KYAT3: variants seen among roughly 807,000 people sequenced by gnomAD.
The protein encoded by KYAT3 is kynurenine--oxoglutarate transaminase 3.
KYAT3 carries 50 observed loss-of-function variants against 59.0 expected under a neutral mutation model. The observed-to-expected ratio is 0.85, with a 90% CI of 0.68 to 1.07. The LOEUF is 1.07. KYAT3 is among the 50% of genes least tolerant of loss of function. The pLI is 0.00. For synonymous variants in KYAT3, 148 were observed against 177.0 expected, an observed-to-expected ratio of 0.84 and a Z score of 1.30; for missense variants, 497 against 533.3, an observed-to-expected ratio of 0.93 and a Z score of 0.67.
At chr1:88,953,566 A>C (rs1191790557) in intron 9 of KYAT3, among the ~76,000 whole-genome samples, 1 of 134,334 alleles carries the variant, frequency 7.4e-6, no homozygotes, top group Non-Finnish European at 1.6e-5. Flanking sequence ...AAAAAAAAAA[A>C]GTTCACACTA....
At chr1:88,982,824 A>G in intron 2 of KYAT3, 2 of 1,613,890 alleles carry the variant, frequency 1.2e-6, no homozygotes. Context: ...CAACTTGAGT[A>G]GAGATCACTT....
In KYAT3 at chr1:88,984,204, C is replaced by CTTTTTTTTTTTTTTTTTTT. The variant is rs908183722; in HGVS notation, c.99+4029_99+4047dup. 23 of 81,470 alleles carry CTTTTTTTTTTTTTTTTTTT rather than the reference C, an allele frequency of 2.8e-4. 1 individual carries two copies. The highest frequency in any genetic ancestry group is 4.5e-4 in the Non-Finnish European group (17 of 38,168). The allele number at this position is 81,470 out of a possible 1,614,324, so 5.0% of individuals were successfully genotyped here. A position where few individuals can be genotyped will look rare whatever the true frequency, so the allele number is the denominator to read the frequency against. On this transcript the variant is annotated intron_variant, in intron 2 of 13. Transcript: ENST00000260508. ...ATTAACAGGAGCCCTTTTTTTGTTG[C>CTTTTTTTTTTTTTTTTTTT]TTTTTTTTTTTTTTTTTTTTTTTTT...
At chr1:88,991,361 T>C (rs551166042) in intron 1 of KYAT3, among the ~76,000 whole-genome samples, 1 of 152,202 alleles carries the variant, frequency 6.6e-6, no homozygotes, top group Non-Finnish European at 1.5e-5. Flanking sequence ...CCAGAACATC[T>C]GGGTTAACTG....
the KYAT3 span, among the ~76,000 whole-genome samples, chr1:88,924,079 GC>G: frequency 6.6e-6 from 1 of 152,210 alleles, no homozygotes; most frequent in African/African-American, 2.4e-5. Context: ...AGGGTCTCTT[GC>G]CAGCTCACTG....
intron 4 of KYAT3, among the ~76,000 whole-genome samples, chr1:88,967,028 C>T (rs1676375326): frequency 6.6e-6 from 1 of 151,876 alleles, no homozygotes; most frequent in Non-Finnish European, 1.5e-5. Context: ...TATGGTAAAC[C>T]TTACTTGGTC....
chr1:88,945,148 A>G (rs1383496279), intron 11 of KYAT3, among the ~76,000 whole-genome samples: 4 of 148,382 alleles, frequency 2.7e-5, no homozygotes, highest in Non-Finnish European at 4.5e-5. Flanking sequence ...CCTGCCAGAA[A>G]AAAGTAACGT....
intron 2 of KYAT3, among the ~76,000 whole-genome samples, chr1:88,974,863 G>C (rs185381040): frequency 2.6e-5 from 4 of 152,154 alleles, no homozygotes; most frequent in African/African-American, 9.7e-5. Context: ...GGACCAATCA[G>C]CACTCTGTAA....
chr1:88,927,264 A>T, the KYAT3 span, among the ~76,000 whole-genome samples: 11 of 152,240 alleles, frequency 7.2e-5, no homozygotes, highest in African/African-American at 2.2e-4. Flanking sequence ...GAGAATTGGG[A>T]CCAATTTGAC....
intron 2 of KYAT3, among the ~76,000 whole-genome samples, chr1:88,974,526 T>C (rs1333704541): frequency 7.0e-6 from 1 of 142,726 alleles, no homozygotes; most frequent in Admixed American, 7.6e-5. Context: ...CAGGCCGTAG[T>C]GCAGTGGCAT....
Position 88,936,141 on chromosome 1 carries a change from T to C in KYAT3, c.*42A>G, listed in dbSNP as rs750104600. 3.8e-5 allele frequency: 52 copies of C among 1,383,076 alleles called. No individual in the cohort carries two copies. Among genetic ancestry groups the C allele is most frequent in the Non-Finnish European group, 2.0e-6 (2 of 979,852 alleles). The allele number at this position is 1,383,076 out of a possible 1,614,324, so 85.7% of individuals were successfully genotyped here. On this transcript the variant is annotated 3_prime_UTR_variant, in exon 14 of 14. Coordinates refer to ENST00000260508, the MANE Select transcript of KYAT3 (RefSeq NM_001008661.3). ...GTGGCAGCACTAAGTAACAATTCCA[T>C]ACTAGGTCATCTAACAGAAACATTA...
At chr1:88,976,481 T>C (rs1194561126) in intron 2 of KYAT3, among the ~76,000 whole-genome samples, 3 of 152,242 alleles carry the variant, frequency 2.0e-5, no homozygotes, top group African/African-American at 7.2e-5. Context: ...GCCAGTCATA[T>C]AAAAGTCTAG....
chr1:88,987,904 T>C (rs1372084431), intron 2 of KYAT3, among the ~76,000 whole-genome samples: 2 of 152,216 alleles, frequency 1.3e-5, no homozygotes, highest in Non-Finnish European at 2.9e-5. Flanking sequence ...GTATTGTATT[T>C]GGTGGTTATG....
At chr1:88,977,530 G>C (rs373798714) in intron 2 of KYAT3, among the ~76,000 whole-genome samples, 36 of 152,062 alleles carry the variant, frequency 2.4e-4, no homozygotes, top group East Asian at 7.7e-4. Context: ...GTAGAGACGA[G>C]GTTTCACCAT....
the KYAT3 span, among the ~76,000 whole-genome samples, chr1:88,929,392 G>T: frequency 9.3e-3 from 1,418 of 152,192 alleles, 16 homozygotes; most frequent in South Asian, 0.058. Context: ...TACAGTCCTG[G>T]ACCTAAAGGG....
chr1:88,988,671 T>C (rs1426292316), intron 1 of KYAT3, among the ~76,000 whole-genome samples: 2 of 152,342 alleles, frequency 1.3e-5, no homozygotes, highest in East Asian at 3.9e-4. Context: ...GAAAGTTCCA[T>C]TTCTAGCAGC....
rs374084854 is a variant in KYAT3, at chr1:88,969,164, T to C, written c.158+245A>G. On this transcript the variant is annotated intron_variant, in intron 3 of 13. Transcript: ENST00000260508. Reference sequence around the variant, plus strand: ...TTCCTGGATTGGAGGTTAAGTTCCATGAGGGCATTAACATTTGTCCTTTTC... The same window carrying C: ...TTCCTGGATTGGAGGTTAAGTTCCACGAGGGCATTAACATTTGTCCTTTTC... 3.3e-5 allele frequency among the ~76,000 whole-genome samples: 5 copies of C among 152,232 alleles called. 1 individual carries two copies. The East Asian group carries it at 5.8e-4, about 18-fold the overall frequency.
chr1:88,928,924 C>A, the KYAT3 span, among the ~76,000 whole-genome samples: 1 of 152,050 alleles, frequency 6.6e-6, no homozygotes, highest in Admixed American at 6.6e-5. Context: ...GCCTGAAAGC[C>A]CCACTCCCTT....
chr1:88,980,920 A>G (rs543112068), intron 2 of KYAT3: 1 of 152,316 alleles, frequency 6.6e-6, no homozygotes, highest in South Asian at 2.1e-4. Context: ...GAGAGTTAAA[A>G]ATGTTGTACT....
At chr1:88,983,363 G>C in intron 2 of KYAT3, 1 of 1,614,172 alleles carries the variant, frequency 6.2e-7, no homozygotes, top group Non-Finnish European at 8.5e-7. Flanking sequence ...CCCACTTCTT[G>C]GTGGTGGTCC....
Sources: gnomAD v4.1 joint callset for allele counts (sites outside exome capture counted in the v4.1 genomes callset) on GRCh38, gnomAD v4.1.1 for gene constraint, MANE v1.5 for transcripts, NCBI Gene and HGNC (gene_info 2026-07-23, HGNC 2026-07-21) for gene names.